The following ANK3 variants were observed in gnomAD, a reference collection of about 807,000 sequenced individuals.
ANK3 encodes the protein ankyrin 3.
Under a neutral mutation model 370.9 loss-of-function variants are expected in ANK3, and 57 were observed. The ratio of observed to expected loss-of-function variants is 0.15; its 90% CI spans 0.12 to 0.19. ANK3 has a LOEUF of 0.19. Among genes scored for constraint, ANK3 ranks in the 10% least tolerant of loss-of-function variants. ANK3 has a pLI of 1.00. For missense variants in ANK3, 4,439 were observed against 5,302.1 expected, an observed-to-expected ratio of 0.84 and a Z score of 5.06; for synonymous variants, 1,929 against 1,946.3, an observed-to-expected ratio of 0.99 and a Z score of 0.23.
At chr10:60,518,553 C>T (rs910344378) in intron 2 of ANK3, among the ~76,000 whole-genome samples, 2 of 151,980 alleles carry the variant, frequency 1.3e-5, no homozygotes, top group Non-Finnish European at 2.9e-5. Context: ...GAATCTATAC[C>T]CCAAATGAAC....
chr10:60,429,002 C>T (rs1327280114), intron 2 of ANK3, among the ~76,000 whole-genome samples: 3 of 147,094 alleles, frequency 2.0e-5, no homozygotes, highest in Admixed American at 2.0e-4. Flanking sequence ...ATATAAATAA[C>T]TTATGTATTT....
intron 2 of ANK3, among the ~76,000 whole-genome samples, chr10:60,457,985 T>C (rs2064790616): frequency 6.6e-6 from 1 of 152,160 alleles, no homozygotes; most frequent in Non-Finnish European, 1.5e-5. Flanking sequence ...TGTCTCTTTC[T>C]ATTCTAATAT....
chr10:60,305,032 TG>T (rs1489579633), intron 1 of ANK3, among the ~76,000 whole-genome samples: 2 of 152,060 alleles, frequency 1.3e-5, no homozygotes, highest in African/African-American at 4.8e-5. Context: ...GCACAGTGGG[TG>T]GGGGAGATAG....
intron 1 of ANK3, among the ~76,000 whole-genome samples, chr10:60,662,425 A>G (rs2078946571): frequency 6.6e-6 from 1 of 152,192 alleles, no homozygotes; most frequent in South Asian, 2.1e-4. Flanking sequence ...ATTCTGGGGA[A>G]AATCAACAAA....
intron 18 of ANK3, among the ~76,000 whole-genome samples, chr10:60,177,405 G>A (rs143328520): frequency 2.6e-5 from 4 of 152,170 alleles, no homozygotes; most frequent in Middle Eastern, 3.4e-3. Flanking sequence ...TTGGCCCCCA[G>A]TAATCTACAA....
chr10:60,567,400 C>T (rs540377201), intron 2 of ANK3, among the ~76,000 whole-genome samples: 2 of 152,262 alleles, frequency 1.3e-5, no homozygotes, highest in Admixed American at 6.5e-5. Flanking sequence ...GATGACAGTA[C>T]ATCTGTCTAC....
At position 60,080,333 on chromosome 10, in the gene ANK3, T is replaced by G. The variant is rs193021789; in HGVS notation, c.4432+204A>C. 19 of 508,974 alleles carry G rather than the reference T, an allele frequency of 3.7e-5. No homozygotes were observed. The East Asian group carries it at 5.2e-4, about 14-fold the overall frequency. 31.5% of individuals were successfully genotyped at this position (508,974 alleles called of 1,614,324 possible). The stretch of plus-strand genomic sequence containing the variant: ...AAAAATAGTTAATGGCTTTAAAAAC[T>G]GTTTTGAAGTATGAGCTAGGGGCGT... On this transcript the variant is annotated intron_variant, in intron 36 of 43. Coordinates refer to ENST00000280772, the MANE Select transcript of ANK3 (RefSeq NM_020987.5).
At chr10:60,469,266 T>TACAC (rs1420719968) in intron 2 of ANK3, among the ~76,000 whole-genome samples, 1 of 36,440 alleles carries the variant, frequency 2.7e-5, no homozygotes, top group African/African-American at 1.0e-4. Flanking sequence ...TATATATATA[T>TACAC]ATATACCATT....
chr10:60,634,609 A>G (rs2078527623), intron 1 of ANK3, among the ~76,000 whole-genome samples: 2 of 152,112 alleles, frequency 1.3e-5, no homozygotes, highest in Non-Finnish European at 2.9e-5. Flanking sequence ...AAAGCAGGCC[A>G]CCGGAGCCAG....
intron 1 of ANK3, among the ~76,000 whole-genome samples, chr10:60,714,763 C>T (rs909927994): frequency 6.6e-6 from 1 of 152,126 alleles, no homozygotes; most frequent in Non-Finnish European, 1.5e-5. Flanking sequence ...GAAGCTAAGG[C>T]CAATTGCTTA....
At chr10:60,337,453 C>G (rs144366515) in intron 1 of ANK3, among the ~76,000 whole-genome samples, 3 of 152,258 alleles carry the variant, frequency 2.0e-5, no homozygotes, top group Non-Finnish European at 4.4e-5. Context: ...TCTCCTTTCT[C>G]TTTTCAATCC....
chr10:60,347,399 C>T (rs780302737), intron 1 of ANK3, among the ~76,000 whole-genome samples: 1 of 151,632 alleles, frequency 6.6e-6, no homozygotes, highest in Admixed American at 6.6e-5. Flanking sequence ...TGTCTTTCTG[C>T]TTGACTATGA....
intron 2 of ANK3, among the ~76,000 whole-genome samples, chr10:60,452,423 C>G (rs2064631147): frequency 6.6e-6 from 1 of 152,222 alleles, no homozygotes; most frequent in Non-Finnish European, 1.5e-5. Flanking sequence ...CCACCTCAGC[C>G]TCCGCACTGA....
chr10:60,725,206 A>G (rs2079924181), intron 1 of ANK3, among the ~76,000 whole-genome samples: 1 of 152,130 alleles, frequency 6.6e-6, no homozygotes, highest in East Asian at 1.9e-4. Flanking sequence ...CTTAAAATCT[A>G]TTTGAATTCC....
At position 60,075,588 on chromosome 10, in the gene ANK3, T is replaced by C; in HGVS notation, c.5293A>G (p.Lys1765Glu). Reference sequence around the variant, plus strand: ...ATTGCAGTCGTGGTAGAAAACACTTTCTCAACTGTGTCAGTGGCTGCACTG... The same window carrying C: ...ATTGCAGTCGTGGTAGAAAACACTTCCTCAACTGTGTCAGTGGCTGCACTG... ...VVSAATDTVEKVFSTTTAMPF... is the reference protein window; with the variant it reads ...VVSAATDTVEEVFSTTTAMPF... Residue 1765 changes from lysine to glutamate, a missense_variant, in exon 37 of 44, where the codon AAA becomes GAA. Lys to Glu is a moderately conservative substitution (Grantham distance 56, BLOSUM62 1). Transcript: ENST00000280772. 1 of 1,614,096 alleles carries C rather than the reference T, an allele frequency of 6.2e-7. No homozygotes were observed. Among genetic ancestry groups the C allele is most frequent in the Non-Finnish European group, 8.5e-7 (1 of 1,180,002 alleles).
rs564624073 is a variant in ANK3 at position 60,398,301 on chromosome 10, C to T, written c.97-118662G>A. On this transcript the variant is annotated intron_variant, in intron 2 of 43. Coordinates refer to the ANK3 transcript ENST00000373827. ...TATACCAAAATAAGGCTGGATGTGG[C>T]CTGCAGGCCTGTTTGCTGACTGCTC... Among the ~76,000 whole-genome samples, 5 of 152,244 alleles carry T rather than the reference C, an allele frequency of 3.3e-5. No individual in the cohort carries two copies. In the South Asian group the frequency reaches 8.3e-4, roughly 25 times the overall value.
intron 1 of ANK3, among the ~76,000 whole-genome samples, chr10:60,338,066 A>G (rs1303954679): frequency 1.1e-4 from 17 of 152,282 alleles, no homozygotes; most frequent in Middle Eastern, 3.4e-3. Flanking sequence ...CTGTACTGAG[A>G]AAGATGTACC....
At chr10:60,080,124 C>A (rs140311106) in intron 36 of ANK3, among the ~76,000 whole-genome samples, 1 of 152,044 alleles carries the variant, frequency 6.6e-6, no homozygotes, top group Non-Finnish European at 1.5e-5. Context: ...GATATGACAA[C>A]CTATCTATAC....
At chr10:60,224,924 C>CT (rs138030293) in intron 8 of ANK3, among the ~76,000 whole-genome samples, 27,431 of 139,754 alleles carry the variant, frequency 0.2, 2,695 homozygotes, top group Non-Finnish European at 0.21. Context: ...TTTTTTTTTT[C>CT]TTTTTTTTTG....
Sources: allele counts gnomAD v4.1 joint callset (sites outside exome capture counted in the v4.1 genomes callset), GRCh38; gene constraint gnomAD v4.1.1; transcripts MANE v1.5; gene names NCBI Gene and HGNC (gene_info 2026-07-23, HGNC 2026-07-21).